The following RBFOX1 variants were observed in gnomAD, a reference collection of about 807,000 sequenced individuals.
RBFOX1 encodes the protein RNA binding protein fox-1 homolog 1.
In RBFOX1, 8 loss-of-function variants were observed where a neutral mutation model predicts 57.7. The ratio of observed to expected loss-of-function variants is 0.14; its 90% CI spans 0.08 to 0.25. The LOEUF is 0.25. Among genes scored for constraint, RBFOX1 ranks in the 10% least tolerant of loss-of-function variants. The pLI is 1.00. For missense variants in RBFOX1, 611 were observed against 548.5 expected, an observed-to-expected ratio of 1.11 and a Z score of -1.14; for synonymous variants, 326 against 222.4, an observed-to-expected ratio of 1.47 and a Z score of -4.15.
intron 2 of RBFOX1, among the ~76,000 whole-genome samples, chr16:6,332,894 C>T (rs1400672195): frequency 6.6e-6 from 1 of 152,120 alleles, no homozygotes; most frequent in African/African-American, 2.4e-5. Flanking sequence ...AGTTATAGAA[C>T]ATAGATGATC....
intron 4 of RBFOX1, among the ~76,000 whole-genome samples, chr16:5,930,589 G>T (rs1314625753): frequency 8.1e-5 from 10 of 123,006 alleles, no homozygotes; most frequent in African/African-American, 3.2e-4. Flanking sequence ...TACATGGGAG[G>T]GTGGGTAGGT....
intron 4 of RBFOX1, among the ~76,000 whole-genome samples, chr16:7,161,982 T>A (rs533939528): frequency 6.6e-5 from 10 of 152,338 alleles, no homozygotes; most frequent in Non-Finnish European, 1.2e-4. Context: ...AACATATTTG[T>A]TCCCAGAACA....
chr16:7,636,320 C>G (rs1287115249), intron 11 of RBFOX1, among the ~76,000 whole-genome samples: 1 of 152,188 alleles, frequency 6.6e-6, no homozygotes, highest in Non-Finnish European at 1.5e-5. Flanking sequence ...TAGTTTGTCT[C>G]TGCCTTTCTC....
At chr16:6,611,241 G>C (rs778588296) in intron 2 of RBFOX1, among the ~76,000 whole-genome samples, 6 of 152,164 alleles carry the variant, frequency 3.9e-5, no homozygotes, top group Non-Finnish European at 5.9e-5. Context: ...CCGGCTCCCA[G>C]GTTCAAGCAA....
intron 3 of RBFOX1, among the ~76,000 whole-genome samples, chr16:6,787,880 G>C (rs1486621750): frequency 6.6e-6 from 1 of 152,168 alleles, no homozygotes; most frequent in Non-Finnish European, 1.5e-5. Context: ...ATACTATAGA[G>C]AGAAGTTTTA....
chr16:5,640,945 C>T (rs1567334611), intron 3 of RBFOX1, among the ~76,000 whole-genome samples: 1 of 150,944 alleles, frequency 6.6e-6, no homozygotes, highest in African/African-American at 2.4e-5. Context: ...GCACACCATG[C>T]ATACACACAT....
intron 1 of RBFOX1, among the ~76,000 whole-genome samples, chr16:5,296,532 G>A (rs1300500598): frequency 6.6e-6 from 1 of 151,018 alleles, no homozygotes; most frequent in Non-Finnish European, 1.5e-5. Flanking sequence ...GTTCTCAGCA[G>A]TTCAATAGAG....
At chr16:5,661,895 C>T (rs59004186) in intron 3 of RBFOX1, among the ~76,000 whole-genome samples, 4,971 of 152,182 alleles carry the variant, frequency 0.033, 247 homozygotes, top group African/African-American at 0.11. Context: ...AAGCGATTCT[C>T]CTGCTGCAGC....
At chr16:7,000,592 C>CTTTTTTTTTTTTTT (rs1568307066) in intron 3 of RBFOX1, among the ~76,000 whole-genome samples, 2 of 84,052 alleles carry the variant, frequency 2.4e-5, no homozygotes, top group African/African-American at 4.2e-5. Context: ...CTTTCTTTTT[C>CTTTTTTTTTTTTTT]TTTCTTTTTT....
chr16:6,300,736 T>C, intron 1 of RBFOX1, among the ~76,000 whole-genome samples: 1 of 152,188 alleles, frequency 6.6e-6, no homozygotes, highest in East Asian at 1.9e-4. Context: ...AGTGACAGTG[T>C]TTTCAATCCA....
At chr16:7,708,184 A>G (rs192501080) in intron 14 of RBFOX1, among the ~76,000 whole-genome samples, 1 of 152,158 alleles carries the variant, frequency 6.6e-6, no homozygotes, top group East Asian at 1.9e-4. Context: ...CCCCTCATAA[A>G]AAATCAAGAT....
chr16:7,017,867 G>C (rs1320662592), intron 3 of RBFOX1, among the ~76,000 whole-genome samples: 1 of 152,104 alleles, frequency 6.6e-6, no homozygotes, highest in East Asian at 1.9e-4. Flanking sequence ...AGAGAGAATT[G>C]GAGTCTTCGA....
intron 2 of RBFOX1, among the ~76,000 whole-genome samples, chr16:5,472,995 C>G (rs1338933034): frequency 1.3e-5 from 2 of 152,290 alleles, no homozygotes; most frequent in South Asian, 2.1e-4. Flanking sequence ...CACCAGCTGG[C>G]TCCAGTCACC....
chr16:6,221,424 T>C (rs1236566852), intron 1 of RBFOX1, among the ~76,000 whole-genome samples: 1 of 152,150 alleles, frequency 6.6e-6, no homozygotes, highest in African/African-American at 2.4e-5. Flanking sequence ...GCTGCCCAGA[T>C]AACACTTAGA....
rs76829566 is a variant in RBFOX1, at chr16:5,628,866, C to T, written c.318+29905C>T. ...ACATGGGCTATGATGAGTGCTGTAG[C>T]ATCTGACCTAAGCTAAGTCCTAAGA... On this transcript the variant is annotated intron_variant, in intron 3 of 19. Transcript: ENST00000641259. Among the ~76,000 whole-genome samples, 856 of 152,314 alleles carry T rather than the reference C, an allele frequency of 5.6e-3. 34 individuals are homozygous for T. The East Asian group carries it at 0.12, about 21-fold the overall frequency.
intron 3 of RBFOX1, among the ~76,000 whole-genome samples, chr16:6,760,032 G>A (rs1041640566): frequency 1.8e-4 from 28 of 152,278 alleles, no homozygotes; most frequent in East Asian, 1.7e-3. Flanking sequence ...TGGAAGAATC[G>A]TCAATGGCAC....
At chr16:5,661,125 C>G (rs1337747553) in intron 3 of RBFOX1, among the ~76,000 whole-genome samples, 3 of 152,200 alleles carry the variant, frequency 2.0e-5, no homozygotes, top group Non-Finnish European at 2.9e-5. Context: ...TAAAAGGCCT[C>G]CTGTCTTTCC....
chr16:6,730,487 G>A lies in RBFOX1; in HGVS notation c.-16+75837G>A, dbSNP rs72764962. On this transcript the variant is annotated intron_variant, in intron 3 of 15. Coordinates refer to ENST00000550418, the MANE Select transcript of RBFOX1 (RefSeq NM_018723.4). ...TATCCATCTATCTAATTACCTAACTGTCTAATCTATCTATCCATCTATCTA... is the reference window on the plus strand; with the variant it reads ...TATCCATCTATCTAATTACCTAACTATCTAATCTATCTATCCATCTATCTA... 5.9e-3 allele frequency among the ~76,000 whole-genome samples: 891 copies of A among 152,052 alleles called. 9 individuals are homozygous for A. Among genetic ancestry groups the A allele is most frequent in the Non-Finnish European group, 9.9e-3 (670 of 68,000 alleles).
At chr16:7,076,899 G>A (rs1257973966) in intron 4 of RBFOX1, among the ~76,000 whole-genome samples, 1 of 152,172 alleles carries the variant, frequency 6.6e-6, no homozygotes, top group Non-Finnish European at 1.5e-5. Flanking sequence ...CAGACTGCTG[G>A]TTGTTGTCTT....
Sources: gnomAD v4.1 joint callset for allele counts (sites outside exome capture counted in the v4.1 genomes callset) on GRCh38, gnomAD v4.1.1 for gene constraint, MANE v1.5 for transcripts, NCBI Gene and HGNC (gene_info 2026-07-23, HGNC 2026-07-21) for gene names.